The following SLIT2 variants were observed in gnomAD, a reference collection of about 807,000 sequenced individuals.
The protein encoded by SLIT2 is slit homolog 2 protein.
Under a neutral mutation model 185.7 loss-of-function variants are expected in SLIT2, and 41 were observed. The ratio of observed to expected loss-of-function variants is 0.22; its 90% CI spans 0.17 to 0.29. The LOEUF (loss-of-function observed/expected upper bound fraction) is 0.29, where lower values mean the gene tolerates loss of function less well. Ranked by LOEUF, SLIT2 falls within the 10% of genes least tolerant of loss-of-function variation. SLIT2 has a pLI of 1.00. For synonymous variants in SLIT2, 693 were observed against 680.2 expected, an observed-to-expected ratio of 1.02 and a Z score of -0.29; for missense variants, 1,571 against 1,909.0, an observed-to-expected ratio of 0.82 and a Z score of 3.30.
At chr4:20,423,814 A>G (rs947627133) in intron 4 of SLIT2, among the ~76,000 whole-genome samples, 5 of 152,166 alleles carry the variant, frequency 3.3e-5, no homozygotes, top group African/African-American at 9.6e-5. Flanking sequence ...CTCTGTATTT[A>G]CACCACTAAG....
chr4:20,531,346 A>G (rs758500996), intron 16 of SLIT2, among the ~76,000 whole-genome samples: 3 of 152,222 alleles, frequency 2.0e-5, no homozygotes, highest in African/African-American at 4.8e-5. Flanking sequence ...ACATTACACA[A>G]AGCAAAAGAA....
At chr4:20,616,079 G>GT (rs1225560196) in intron 34 of SLIT2, 2 of 152,184 alleles carry the variant, frequency 1.3e-5, no homozygotes, top group Non-Finnish European at 2.9e-5. Flanking sequence ...CAAATACTCT[G>GT]TTTTTGAAGG....
chr4:20,326,019 A>G (rs1719556412), intron 4 of SLIT2, among the ~76,000 whole-genome samples: 1 of 152,032 alleles, frequency 6.6e-6, no homozygotes, highest in Non-Finnish European at 1.5e-5. Context: ...TGTTTCTAGT[A>G]TATTCTTGTT....
At position 20,472,066 on chromosome 4, in the gene SLIT2, T is replaced by C. The variant is rs574205373; in HGVS notation, c.467+4243T>C. Among the ~76,000 whole-genome samples the C allele has an allele frequency of 2.6e-5, 4 of 151,306 alleles. No individual in the cohort carries two copies. The East Asian group carries it at 5.9e-4, about 22-fold the overall frequency. On this transcript the variant is annotated intron_variant, in intron 5 of 36. Coordinates refer to ENST00000504154, the MANE Select transcript of SLIT2 (RefSeq NM_004787.4). ...AACTAAATTATACTGTTTATAATGG[T>C]CACTGGTGGTACATTTCTGTAGGAT...
chr4:20,519,730 A>G (rs1011357139), intron 12 of SLIT2, among the ~76,000 whole-genome samples: 2 of 152,118 alleles, frequency 1.3e-5, no homozygotes, highest in Admixed American at 1.3e-4. Context: ...CTGTCTTTGT[A>G]AAACATCTCT....
chr4:20,279,579 G>T (rs982903575), intron 4 of SLIT2, among the ~76,000 whole-genome samples: 7 of 152,162 alleles, frequency 4.6e-5, no homozygotes, highest in African/African-American at 1.7e-4. Flanking sequence ...TTGAGTCACT[G>T]AATGTGTCAT....
chr4:20,327,946 A>G (rs574721869), intron 4 of SLIT2, among the ~76,000 whole-genome samples: 2 of 152,160 alleles, frequency 1.3e-5, no homozygotes, highest in African/African-American at 4.8e-5. Flanking sequence ...AACAATGCCA[A>G]TGACTATATG....
chr4:20,558,746 A>G (rs1724463065), intron 26 of SLIT2, among the ~76,000 whole-genome samples: 1 of 151,960 alleles, frequency 6.6e-6, no homozygotes, highest in African/African-American at 2.4e-5. Context: ...GAATGGAAAT[A>G]TGTTTCAGGG....
At chr4:20,576,987 T>C (rs1726131615) in intron 29 of SLIT2, among the ~76,000 whole-genome samples, 1 of 152,026 alleles carries the variant, frequency 6.6e-6, no homozygotes, top group Admixed American at 6.6e-5. Flanking sequence ...AGTTTTTTTT[T>C]TTTCATTTAA....
At position 20,313,069 on chromosome 4, in the gene SLIT2, G is replaced by A. The variant is rs150451968; in HGVS notation, c.395+44188G>A. Among the ~76,000 whole-genome samples, 265 of 152,230 alleles carry A rather than the reference G, an allele frequency of 1.7e-3. 1 individual carries two copies. Among genetic ancestry groups the A allele is most frequent in the African/African-American group, 6.1e-3 (253 of 41,536 alleles). On this transcript the variant is annotated intron_variant, in intron 4 of 36. Transcript: ENST00000504154. ...GTAAACCGTATTAATTTGGTAGATCGCATTCTACTGTAGTCTTGTCACATT... is the reference window on the plus strand; with the variant it reads ...GTAAACCGTATTAATTTGGTAGATCACATTCTACTGTAGTCTTGTCACATT...
chr4:20,442,339 G>A (rs1729817826), intron 4 of SLIT2, among the ~76,000 whole-genome samples: 2 of 152,070 alleles, frequency 1.3e-5, no homozygotes, highest in Non-Finnish European at 2.9e-5. Flanking sequence ...CTAACATGGT[G>A]AAACCCTGTC....
chr4:20,286,933 C>T (rs1715327686), intron 4 of SLIT2, among the ~76,000 whole-genome samples: 1 of 152,188 alleles, frequency 6.6e-6, no homozygotes, highest in African/African-American at 2.4e-5. Context: ...ATATGTATCA[C>T]CATCTCAGTT....
At chr4:20,392,219 C>T (rs1191369147) in intron 4 of SLIT2, 1 of 152,044 alleles carries the variant, frequency 6.6e-6, no homozygotes, top group African/African-American at 2.4e-5. Flanking sequence ...CAAACCCATA[C>T]AGCATGGCAC....
chr4:20,318,684 T>TGGG (rs1327097954), intron 4 of SLIT2, among the ~76,000 whole-genome samples: 2 of 152,168 alleles, frequency 1.3e-5, no homozygotes, highest in Admixed American at 1.3e-4. Context: ...TAGCTCACTT[T>TGGG]GAACACAAGC....
chr4:20,460,325 T>A (rs1282924908), intron 4 of SLIT2, among the ~76,000 whole-genome samples: 1 of 152,190 alleles, frequency 6.6e-6, no homozygotes, highest in Non-Finnish European at 1.5e-5. Context: ...AGGAATTCAA[T>A]TAAAACTATT....
rs1211550837 is a variant in SLIT2 at position 20,620,286 on chromosome 4, A to T, written c.*1277A>T. 1 of 360,716 alleles carries T rather than the reference A, an allele frequency of 2.8e-6. No individual in the cohort carries two copies. The highest frequency in any genetic ancestry group is 5.4e-6 in the Non-Finnish European group (1 of 186,528). The allele number at this position is 360,716 out of a possible 1,614,324, so 22.3% of individuals were successfully genotyped here. A position where few individuals can be genotyped will look rare whatever the true frequency, so the allele number is the denominator to read the frequency against. On this transcript the variant is annotated 3_prime_UTR_variant, in exon 37 of 37. Coordinates refer to ENST00000504154, the MANE Select transcript of SLIT2 (RefSeq NM_004787.4). Reference sequence around the variant, plus strand: ...GAACTGTGACTTTTCTTTCCCTCAAACAATAAAACTCCTTTATTATCTTAA... The same window carrying T: ...GAACTGTGACTTTTCTTTCCCTCAATCAATAAAACTCCTTTATTATCTTAA...
chr4:20,316,116 C>A (rs1021706804), intron 4 of SLIT2, among the ~76,000 whole-genome samples: 7 of 151,880 alleles, frequency 4.6e-5, no homozygotes, highest in Non-Finnish European at 1.0e-4. Flanking sequence ...TCATTCACTG[C>A]GTTATTCTAA....
Position 20,619,017 on chromosome 4 carries a change from C to G in SLIT2, c.*8C>G, listed in dbSNP as rs758472757. The G allele has an allele frequency of 2.5e-5, 40 of 1,603,970 alleles. No homozygotes were observed. Among genetic ancestry groups the G allele is most frequent in the Non-Finnish European group, 3.1e-5 (36 of 1,171,484 alleles). ...ACGAGGTGTGTGTCCTAAACACACT[C>G]CCGGCAGCTCTGTCTTTGGAAAAGG... On this transcript the variant is annotated 3_prime_UTR_variant, in exon 37 of 37. Transcript: ENST00000504154.
intron 4 of SLIT2, among the ~76,000 whole-genome samples, chr4:20,315,319 A>G (rs1262712112): frequency 6.6e-6 from 1 of 152,134 alleles, no homozygotes; most frequent in Non-Finnish European, 1.5e-5. Context: ...GAGTAGTTCA[A>G]CAAATTGTGA....
Sources: allele counts gnomAD v4.1 joint callset (sites outside exome capture counted in the v4.1 genomes callset), GRCh38; gene constraint gnomAD v4.1.1; transcripts MANE v1.5; gene names NCBI Gene and HGNC (gene_info 2026-07-23, HGNC 2026-07-21).